MTO1: variants seen among roughly 807,000 people sequenced by gnomAD.
The protein encoded by MTO1 is 5-taurinomethyluridine-[tRNA] synthase subunit MTO1, mitochondrial.
In MTO1, 46 loss-of-function variants were observed where a neutral mutation model predicts 71.6. The observed-to-expected ratio is 0.64, with a 90% confidence interval of 0.51 to 0.82. MTO1 has a LOEUF of 0.82. Ranked by LOEUF, MTO1 falls within the 40% of genes least tolerant of loss-of-function variation. The pLI is 0.00. For synonymous variants in MTO1, 297 were observed against 312.1 expected (o/e 0.95, Z 0.51); for missense variants, 773 against 867.5 (o/e 0.89, Z 1.37).
intron 11 of MTO1, among the ~76,000 whole-genome samples, chr6:73,498,230 C>T (rs1443535570): frequency 1.3e-5 from 2 of 151,574 alleles, no homozygotes. Flanking sequence ...AGAAACTTGA[C>T]CTCAGATTTT....
At chr6:73,491,412 AAGAAG>A (rs1771801127) in intron 9 of MTO1, among the ~76,000 whole-genome samples, 1 of 141,378 alleles carries the variant, frequency 7.1e-6, no homozygotes, top group Non-Finnish European at 1.5e-5. Context: ...AAAAAAAAAA[AAGAAG>A]AAGAAGAAAA....
chr6:73,490,767 C>A, intron 9 of MTO1, among the ~76,000 whole-genome samples: 1 of 147,978 alleles, frequency 6.8e-6, no homozygotes, highest in African/African-American at 2.5e-5. Context: ...TAAATTACAG[C>A]AAAATAAAGG....
rs536923556 is a variant in MTO1 at position 73,479,095 on chromosome 6, GC to G, written c.826-635del. ...GTAGAGACAGGATTTCACCATGTTG[GC>G]CAGGCTGGTCTCAAACTTCTGACCT... On this transcript the variant is annotated intron_variant, in intron 4 of 11. Transcript: ENST00000498286. 3.0e-3 allele frequency among the ~76,000 whole-genome samples: 454 copies of G among 149,648 alleles called. 1 individual carries two copies. Among genetic ancestry groups the G allele is most frequent in the Middle Eastern group, 0.011 (3 of 272 alleles).
intron 11 of MTO1, among the ~76,000 whole-genome samples, chr6:73,499,522 A>G (rs1230127311): frequency 1.1e-5 from 1 of 89,742 alleles, no homozygotes; most frequent in Non-Finnish European, 2.3e-5. Flanking sequence ...ACCCTGTCTC[A>G]AAAAAAAAAA....
chr6:73,497,671 TA>T lies in MTO1; in HGVS notation c.1757-62del, dbSNP rs1772026037. ...TTTTTGTAAATTGTAAGAGGCTACA[TA>T]AATGTAAGTTGTTAGTATAATATAA... is the stretch of plus-strand genomic sequence containing the variant. On this transcript the variant is annotated intron_variant, in intron 10 of 11. Transcript: ENST00000498286. The T allele has an allele frequency of 1.5e-5, 23 of 1,484,912 alleles. No individual in the cohort carries two copies. In the South Asian group the frequency reaches 2.9e-4, roughly 19 times the overall value. 92.0% of individuals were successfully genotyped at this position (1,484,912 alleles called of 1,614,324 possible).
intron 11 of MTO1, among the ~76,000 whole-genome samples, chr6:73,500,309 G>C (rs1298216204): frequency 6.6e-6 from 1 of 152,178 alleles, no homozygotes; most frequent in Non-Finnish European, 1.5e-5. Context: ...CAAAAAAGTA[G>C]ATACTCTAAC....
At chr6:73,468,568 T>C (rs1771063723) in intron 3 of MTO1, among the ~76,000 whole-genome samples, 1 of 152,116 alleles carries the variant, frequency 6.6e-6, no homozygotes, top group Non-Finnish European at 1.5e-5. Context: ...TGTTTGTCCC[T>C]TTCTTATGCT....
intron 11 of MTO1, among the ~76,000 whole-genome samples, 179 bp downstream of exon 11, chr6:73,498,075 T>C (rs1167363955): frequency 2.0e-5 from 3 of 152,088 alleles, no homozygotes; most frequent in Non-Finnish European, 4.4e-5. Context: ...TAGCTGGGCA[T>C]GGTGGCATGC....
intron 10 of MTO1, among the ~76,000 whole-genome samples, chr6:73,497,010 C>T (rs1292099795): frequency 6.6e-6 from 1 of 150,488 alleles, no homozygotes; most frequent in Non-Finnish European, 1.5e-5. Flanking sequence ...GCCGAGATCG[C>T]GCCACTGCAT....
rs1770983613 is a variant in MTO1 at position 73,466,253 on chromosome 6, C to A, written c.262C>A (p.His88Asn). The change falls in exon 2 of 12, where the codon CAT becomes AAT. Residue 88 changes from histidine to asparagine, a missense_variant. Physicochemically the swap from His to Asn is moderately conservative, Grantham distance 68. Coordinates refer to ENST00000498286, the MANE Select transcript of MTO1 (RefSeq NM_012123.4). ...NPSFGGIGKGHLMREVDALDG... is the reference protein window; with the variant it reads ...NPSFGGIGKGNLMREVDALDG... ...TTCCTTTGGTGGCATCGGAAAGGGA[C>A]ATTTAATGAGGGAAGTAGATGCCTT... 1 of 1,614,062 alleles carries A rather than the reference C, an allele frequency of 6.2e-7. No homozygotes were observed. The highest frequency in any genetic ancestry group is 1.3e-5 in the African/African-American group (1 of 75,054).
intron 9 of MTO1, among the ~76,000 whole-genome samples, chr6:73,487,223 C>T (rs1397867219): frequency 7.2e-5 from 10 of 138,472 alleles, no homozygotes; most frequent in Admixed American, 4.5e-4. Context: ...TTTTTGAGAC[C>T]GTCTCACTCT....
Position 73,497,910 on chromosome 6 carries a change from CAGG to C in MTO1, c.1917+17_1917+19del, listed in dbSNP as rs760158320. The C allele has an allele frequency of 1.5e-4, 234 of 1,595,718 alleles. No homozygotes were observed. In the African/African-American group the frequency reaches 2.9e-3, roughly 20 times the overall value. Reference sequence around the variant, plus strand: ...CGTCCACAGACGGTAAGAAAATAGGCAGGAGAATAGAAACAAGTTATAGATAAA... The same window carrying C: ...CGTCCACAGACGGTAAGAAAATAGGCAGAATAGAAACAAGTTATAGATAAA... On this transcript the variant is annotated intron_variant, in intron 11 of 11. Transcript: ENST00000498286.
chr6:73,476,791 T>A (rs1440638701), intron 4 of MTO1, among the ~76,000 whole-genome samples: 16 of 134,802 alleles, frequency 1.2e-4, no homozygotes, highest in Non-Finnish European at 4.6e-5. Context: ...AAAATTTAAA[T>A]TTTTTTTTTT....
At chr6:73,491,793 T>A (rs528232944) in intron 9 of MTO1, among the ~76,000 whole-genome samples, 6 of 152,322 alleles carry the variant, frequency 3.9e-5, no homozygotes, top group Admixed American at 3.3e-4. Context: ...GTTTAGCAGA[T>A]GCTGCTGCAT....
rs1008930519 is a variant in MTO1 at position 73,466,304 on chromosome 6, G to A, written c.313G>A (p.Asp105Asn). Reference protein sequence around the residue: ...ALDGLCSRICDQSGVHYKVLN... With the variant: ...ALDGLCSRICNQSGVHYKVLN... ...GGATGGCCTGTGTTCTCGCATCTGTGACCAGTCTGGTGTACATTATAAAGT... is the reference window on the plus strand; with the variant it reads ...GGATGGCCTGTGTTCTCGCATCTGTAACCAGTCTGGTGTACATTATAAAGT... The change falls in exon 2 of 12, where the codon GAC becomes AAC. Residue 105 changes from aspartate (D) to asparagine (N), a missense_variant. Asp to Asn is a conservative substitution (Grantham distance 23). Transcript: ENST00000498286. 5 of 1,614,136 alleles carry A rather than the reference G, an allele frequency of 3.1e-6. No homozygotes were observed. In the Admixed American group the frequency reaches 6.7e-5, roughly 22 times the overall value.
chr6:73,467,615 A>AAATAAATAAATAAATAAAT (rs1258459155), intron 3 of MTO1, among the ~76,000 whole-genome samples: 3 of 3,018 alleles, frequency 9.9e-4, no homozygotes, highest in African/African-American at 2.4e-3. Context: ...CTCTGTCTCA[A>AAATAAATAAATAAATAAAT]AATAAATAAA....
At chr6:73,471,956 A>C (rs778085180) in intron 3 of MTO1, among the ~76,000 whole-genome samples, 11 of 152,206 alleles carry the variant, frequency 7.2e-5, no homozygotes, top group Non-Finnish European at 1.5e-4. Flanking sequence ...TTAAACAAAA[A>C]GTCCCCATTA....
At chr6:73,486,713 G>A in intron 9 of MTO1, 1 of 292,100 alleles carries the variant, frequency 3.4e-6, no homozygotes, top group South Asian at 2.6e-5. Context: ...ACCCAAACCT[G>A]AGGGACAAGA....
chr6:73,466,051 A>G (rs1202721700), intron 1 of MTO1, among the ~76,000 whole-genome samples, 158 bp from the exon 2 acceptor site: 1 of 152,070 alleles, frequency 6.6e-6, no homozygotes, highest in Non-Finnish European at 1.5e-5. Context: ...TTTGCATCCC[A>G]TTGGGTCTTT....
Sources: allele counts gnomAD v4.1 joint callset (sites outside exome capture counted in the v4.1 genomes callset), GRCh38; gene constraint gnomAD v4.1.1; transcripts MANE v1.5; gene names NCBI Gene and HGNC (gene_info 2026-07-23, HGNC 2026-07-21).